The following CALM2 variants were observed in gnomAD, a reference collection of about 807,000 sequenced individuals.
The protein encoded by CALM2 is calmodulin-2.
Under a neutral mutation model 19.8 loss-of-function variants are expected in CALM2, and 2 were observed. That is an observed-to-expected ratio of 0.10 (90% confidence interval 0.04 to 0.32). CALM2 has a LOEUF of 0.32. Ranked by LOEUF, CALM2 falls within the 10% of genes least tolerant of loss-of-function variation. CALM2 has a pLI of 1.00. For synonymous variants in CALM2, 51 were observed against 52.1 expected (o/e 0.98, Z 0.09); for missense variants, 38 against 178.7 (o/e 0.21, Z 4.49).
Position 47,161,715 on chromosome 2 carries a change from A to G in CALM2, c.421+8T>C. 1.2e-6 allele frequency: 2 copies of G among 1,607,032 alleles called. No individual in the cohort carries two copies. The highest frequency in any genetic ancestry group is 1.7e-5 in the Admixed American group (1 of 58,930). On this transcript the variant is annotated splice_region_variant and intron_variant, in intron 5 of 5. Coordinates refer to ENST00000272298, the MANE Select transcript of CALM2 (RefSeq NM_001743.6). ...GTGAAGAATGAGGCGTGAGACTGAA[A>G]CATTTACCTTCATAGTTTACTTGAC... is the stretch of plus-strand genomic sequence containing the variant.
At chr2:47,165,390 C>A (rs573897103) in intron 2 of CALM2, among the ~76,000 whole-genome samples, 1 of 152,280 alleles carries the variant, frequency 6.6e-6, no homozygotes, top group East Asian at 1.9e-4. Context: ...ACCATGCCCA[C>A]AAGGGGTATT....
At chr2:47,174,267 T>G (rs1331594014) in intron 1 of CALM2, 1 of 152,120 alleles carries the variant, frequency 6.6e-6, no homozygotes, top group East Asian at 1.9e-4. Flanking sequence ...TTTTTTTATT[T>G]TTTGAGAGAC....
At chr2:47,163,610 T>C (rs890175057) in intron 2 of CALM2, 1 of 152,128 alleles carries the variant, frequency 6.6e-6, no homozygotes, top group Admixed American at 6.5e-5. Context: ...TTTTCTATTT[T>C]TAGTAGAGAT....
Position 47,165,723 on chromosome 2 carries a change from A to T in CALM2, c.35-3061T>A, listed in dbSNP as rs79946562. On this transcript the variant is annotated intron_variant, in intron 2 of 5. Transcript: ENST00000272298. ...TTTAGTCTACCCATCTCGCTCAATA[A>T]ATGTCTTTATTTCTGGCTGTCTACA... Among the ~76,000 whole-genome samples the T allele has an allele frequency of 3.9e-5, 6 of 152,182 alleles. No individual in the cohort carries two copies. In the East Asian group the frequency reaches 1.2e-3, roughly 29 times the overall value.
At chr2:47,172,821 G>GGGGGGGGGA (rs1666720513) in intron 1 of CALM2, 1 of 13,376 alleles carries the variant, frequency 7.5e-5, no homozygotes, top group African/African-American at 2.2e-4. Flanking sequence ...GGGGGGGGGG[G>GGGGGGGGGA]GGTGGGAAAT....
chr2:47,175,899 G>A (rs1208134593), intron 1 of CALM2, among the ~76,000 whole-genome samples: 1 of 149,448 alleles, frequency 6.7e-6, no homozygotes, highest in African/African-American at 2.5e-5. Flanking sequence ...CGCGCCCCCT[G>A]GATCCCGGCA....
Position 47,161,704 on chromosome 2 carries a change from G to T in CALM2, c.421+19C>A, listed in dbSNP as rs779412690. On this transcript the variant is annotated intron_variant, in intron 5 of 5. Transcript: ENST00000272298. ...TAAAAATCAAAGTGAAGAATGAGGC[G>T]TGAGACTGAAACATTTACCTTCATA... The T allele has an allele frequency of 6.2e-7, 1 of 1,601,648 alleles. No homozygotes were observed. The highest frequency in any genetic ancestry group is 8.5e-7 in the Non-Finnish European group (1 of 1,174,652).
At chr2:47,162,200 A>AAAC in intron 4 of CALM2, 86 bp downstream of exon 4, 3 of 278,658 alleles carry the variant, frequency 1.1e-5, no homozygotes, top group Non-Finnish European at 1.8e-5. Flanking sequence ...AAAAAAAAAA[A>AAAC]CAACCAAAAA....
chr2:47,176,493 C>G lies in CALM2; in HGVS notation c.-50G>C, dbSNP rs994535004. ...GACGCGACCACACAACCACTCAGCTCGCTCTCTCCACTCGGACTAATTCGC... is the reference window on the plus strand; with the variant it reads ...GACGCGACCACACAACCACTCAGCTGGCTCTCTCCACTCGGACTAATTCGC... On this transcript the variant is annotated 5_prime_UTR_variant, in exon 1 of 6. Coordinates refer to ENST00000272298, the MANE Select transcript of CALM2 (RefSeq NM_001743.6). 3.1e-6 allele frequency: 5 copies of G among 1,612,064 alleles called. No individual in the cohort carries two copies. The Admixed American group carries it at 6.7e-5, about 22-fold the overall frequency.
intron 4 of CALM2, among the ~76,000 whole-genome samples, chr2:47,162,077 C>A (rs1687172662): frequency 6.8e-6 from 1 of 147,712 alleles, no homozygotes; most frequent in East Asian, 2.0e-4. Flanking sequence ...GTGACACCTC[C>A]TTTGACAAGA....
At chr2:47,169,062 C>T (rs867714873) in intron 2 of CALM2, among the ~76,000 whole-genome samples, 1 of 152,290 alleles carries the variant, frequency 6.6e-6, no homozygotes. Flanking sequence ...GCGTGAGCCA[C>T]TGCGCCCGGC....
At chr2:47,175,662 A>G (rs1369011837) in intron 1 of CALM2, among the ~76,000 whole-genome samples, 1 of 151,316 alleles carries the variant, frequency 6.6e-6, no homozygotes, top group Non-Finnish European at 1.5e-5. Flanking sequence ...CCAGAGGGGG[A>G]TGGGAAACCG....
At position 47,168,775 on chromosome 2, in the gene CALM2, G is replaced by A. The variant is rs541135906; in HGVS notation, c.34+1959C>T. On this transcript the variant is annotated intron_variant, in intron 2 of 5. Coordinates refer to ENST00000272298, the MANE Select transcript of CALM2 (RefSeq NM_001743.6). ...AAGAGGGATCCTCTTATATTCAATA[G>A]ACACAAACTTTTTTTTTTTTGAGGC... is the stretch of plus-strand genomic sequence containing the variant. Among the ~76,000 whole-genome samples the A allele has an allele frequency of 1.6e-4, 12 of 73,332 alleles. No homozygotes were observed. The South Asian group carries it at 7.2e-3, about 44-fold the overall frequency. The allele number at this position is 73,332 out of a possible 152,430, so 48.1% of individuals were successfully genotyped here. A position where few individuals can be genotyped will look rare whatever the true frequency, so the allele number is the denominator to read the frequency against.
upstream of CALM2, chr2:47,176,550 C>A (rs1333475148): frequency 6.4e-7 from 1 of 1,561,578 alleles, no homozygotes; most frequent in African/African-American, 1.4e-5. Context: ...ATAAACACCT[C>A]CCTCCGCCAG....
At chr2:47,176,589 C>T (rs1666883684), upstream of CALM2, 14 of 1,544,188 alleles carry the variant, frequency 9.1e-6, no homozygotes, top group Admixed American at 1.6e-4. Context: ...GATAACGGAA[C>T]ATCGCAAACG....
At chr2:47,176,789 C>G (rs910303468), upstream of CALM2, 5 of 985,436 alleles carry the variant, frequency 5.1e-6, no homozygotes, top group Non-Finnish European at 6.0e-6. Flanking sequence ...GGAGGAGCAT[C>G]GTGGCGGCGA....
chr2:47,171,522 A>C (rs1666667763), intron 1 of CALM2: 1 of 152,254 alleles, frequency 6.6e-6, no homozygotes, highest in Non-Finnish European at 1.5e-5. Context: ...AATTAGTAGA[A>C]CAAAGATAAA....
chr2:47,165,506 T>C (rs1666436291), intron 2 of CALM2, among the ~76,000 whole-genome samples: 1 of 152,212 alleles, frequency 6.6e-6, no homozygotes, highest in African/African-American at 2.4e-5. Context: ...TCTCATTTTT[T>C]TGCAGCATCC....
At chr2:47,169,539 G>C (rs1666601220) in intron 2 of CALM2, among the ~76,000 whole-genome samples, 1 of 152,046 alleles carries the variant, frequency 6.6e-6, no homozygotes, top group Non-Finnish European at 1.5e-5. Context: ...TCCCAAAACT[G>C]TTTGCTTTTT....
Sources: allele counts gnomAD v4.1 joint callset (sites outside exome capture counted in the v4.1 genomes callset), GRCh38; gene constraint gnomAD v4.1.1; transcripts MANE v1.5; gene names NCBI Gene and HGNC (gene_info 2026-07-23, HGNC 2026-07-21).